The following AP3B1 variants were observed in gnomAD, a reference collection of about 807,000 sequenced individuals.
AP3B1 encodes the protein AP-3 complex subunit beta-1.
AP3B1 carries 61 observed loss-of-function variants against 132.5 expected under a neutral mutation model. The ratio of observed to expected loss-of-function variants is 0.46; its 90% CI spans 0.37 to 0.57. The LOEUF (loss-of-function observed/expected upper bound fraction) is 0.57. Among genes scored for constraint, AP3B1 ranks in the 20% least tolerant of loss-of-function variants. The probability of loss-of-function intolerance (pLI) is 0.00; values close to 1 mark genes in which losing one functional copy is unlikely to be tolerated. For missense variants in AP3B1, 1,120 were observed against 1,289.4 expected (o/e 0.87, Z 2.01); for synonymous variants, 388 against 438.3 (o/e 0.89, Z 1.43).
chr5:78,083,903 T>C (rs1301975917), intron 22 of AP3B1, among the ~76,000 whole-genome samples: 1 of 152,152 alleles, frequency 6.6e-6, no homozygotes, highest in East Asian at 1.9e-4. Flanking sequence ...TTTTGTTAAT[T>C]GAAAAAATCT....
chr5:78,125,309 T>G (rs1561424834), intron 17 of AP3B1, among the ~76,000 whole-genome samples: 2 of 152,118 alleles, frequency 1.3e-5, no homozygotes, highest in Non-Finnish European at 2.9e-5. Flanking sequence ...CAAAGTGACT[T>G]CTACTGTCAA....
chr5:78,270,799 G>A (rs1748515367), intron 1 of AP3B1, among the ~76,000 whole-genome samples: 2 of 152,050 alleles, frequency 1.3e-5, no homozygotes, highest in Admixed American at 1.3e-4. Context: ...TCAGAACTTT[G>A]GCTCTTTCTG....
At chr5:78,065,275 G>A (rs1031135207) in intron 22 of AP3B1, among the ~76,000 whole-genome samples, 1 of 152,114 alleles carries the variant, frequency 6.6e-6, no homozygotes, top group African/African-American at 2.4e-5. Context: ...GTGGCCCCTC[G>A]GCTGGAGACT....
At chr5:78,061,022 C>T (rs1319190274) in intron 22 of AP3B1, among the ~76,000 whole-genome samples, 1 of 152,024 alleles carries the variant, frequency 6.6e-6, no homozygotes, top group East Asian at 1.9e-4. Context: ...CATATAGTGG[C>T]ACCCTTTGGT....
chr5:78,213,432 A>C (rs1745832378), intron 7 of AP3B1, among the ~76,000 whole-genome samples: 1 of 152,226 alleles, frequency 6.6e-6, no homozygotes, highest in Non-Finnish European at 1.5e-5. Context: ...TATTTATAAC[A>C]AGAGTCTAAC....
At chr5:78,107,530 C>T (rs982271933) in intron 20 of AP3B1, among the ~76,000 whole-genome samples, 1 of 152,072 alleles carries the variant, frequency 6.6e-6, no homozygotes, top group African/African-American at 2.4e-5. Context: ...GCAAAGGAGA[C>T]AGATGATTAT....
intron 3 of AP3B1, among the ~76,000 whole-genome samples, chr5:78,230,833 T>C (rs971177678): frequency 1.3e-5 from 2 of 152,152 alleles, no homozygotes; most frequent in Non-Finnish European, 2.9e-5. Flanking sequence ...AATATATCCT[T>C]GTGGCCAGGC....
intron 11 of AP3B1, among the ~76,000 whole-genome samples, chr5:78,168,213 T>A (rs1353191377): frequency 6.8e-6 from 1 of 146,500 alleles, no homozygotes; most frequent in African/African-American, 2.6e-5. Context: ...TTTAGACAAC[T>A]TTTTTCTTTT....
At chr5:78,283,323 A>G (rs1028585619) in intron 1 of AP3B1, among the ~76,000 whole-genome samples, 1 of 152,348 alleles carries the variant, frequency 6.6e-6, no homozygotes, top group South Asian at 2.1e-4. Context: ...AAACCACACA[A>G]TAAACCATTT....
At chr5:78,128,810 T>G (rs531901703) in intron 16 of AP3B1, among the ~76,000 whole-genome samples, 71 of 152,240 alleles carry the variant, frequency 4.7e-4, no homozygotes, top group East Asian at 1.7e-3. Context: ...CTTATAAAAC[T>G]ATTTAAAAGA....
At chr5:78,019,912 C>T (rs983160753) in intron 25 of AP3B1, among the ~76,000 whole-genome samples, 2 of 151,900 alleles carry the variant, frequency 1.3e-5, no homozygotes, top group Admixed American at 6.6e-5. Flanking sequence ...GAAAAAATGG[C>T]TTAGATTCAC....
intron 22 of AP3B1, chr5:78,087,555 T>A: frequency 1.0e-6 from 1 of 985,428 alleles, no homozygotes; most frequent in Non-Finnish European, 1.2e-6. Context: ...TTAGCGCTAC[T>A]TGTTTGATCA....
chr5:78,128,975 G>T (rs1258026541), intron 16 of AP3B1, 146 bp downstream of exon 16: 6 of 676,788 alleles, frequency 8.9e-6, no homozygotes, highest in Non-Finnish European at 1.4e-5. Context: ...GCAGATGAAT[G>T]AGTAGAAAGC....
At chr5:78,173,205 A>T (rs1241871322) in intron 11 of AP3B1, among the ~76,000 whole-genome samples, 1 of 152,098 alleles carries the variant, frequency 6.6e-6, no homozygotes, top group Non-Finnish European at 1.5e-5. Flanking sequence ...AATAAGTGTG[A>T]TGTGGTCCTG....
In AP3B1 at chr5:78,113,798, C is replaced by T; in HGVS notation, c.2203G>A (p.Glu735Lys). ...DSESGRESGLENKRTAKRNSK... is the reference protein window; with the variant it reads ...DSESGRESGLKNKRTAKRNSK... Reference sequence around the variant, plus strand: ...TTCCTCTTGGCTGTTCTTTTGTTTTCTAGGCCTGACTCCCGTCCACTCTCA... The same window carrying T: ...TTCCTCTTGGCTGTTCTTTTGTTTTTTAGGCCTGACTCCCGTCCACTCTCA... Residue 735 changes from glutamate (E) to lysine (K), a missense_variant, in exon 19 of 27, where the codon GAA becomes AAA. Transcript: ENST00000255194. The T allele has an allele frequency of 6.2e-7, 1 of 1,614,064 alleles. No individual in the cohort carries two copies. Among genetic ancestry groups the T allele is most frequent in the South Asian group, 1.1e-5 (1 of 91,070 alleles).
chr5:78,192,432 A>C (rs1744880855), intron 7 of AP3B1, among the ~76,000 whole-genome samples: 1 of 151,858 alleles, frequency 6.6e-6, no homozygotes, highest in South Asian at 2.1e-4. Context: ...ACCCGAGGTC[A>C]GGAGTTCGAG....
chr5:78,007,452 T>C (rs1333532239), intron 26 of AP3B1, among the ~76,000 whole-genome samples: 1 of 151,980 alleles, frequency 6.6e-6, no homozygotes, highest in East Asian at 1.9e-4. Context: ...TTTTTTGTAC[T>C]CTGTACATGA....
At chr5:78,021,227 G>C (rs1281961662) in intron 24 of AP3B1, among the ~76,000 whole-genome samples, 1 of 151,962 alleles carries the variant, frequency 6.6e-6, no homozygotes, top group Non-Finnish European at 1.5e-5. Context: ...TTTAAATGAA[G>C]AAGAAAATAG....
intron 2 of AP3B1, among the ~76,000 whole-genome samples, chr5:78,261,638 G>A (rs1485762917): frequency 6.6e-6 from 1 of 151,974 alleles, no homozygotes; most frequent in Admixed American, 6.6e-5. Flanking sequence ...GCTAATTTTT[G>A]TATTTTTAGA....
Sources: gnomAD v4.1 joint callset for allele counts (sites outside exome capture counted in the v4.1 genomes callset) on GRCh38, gnomAD v4.1.1 for gene constraint, MANE v1.5 for transcripts, NCBI Gene and HGNC (gene_info 2026-07-23, HGNC 2026-07-21) for gene names.